The following FAM110B variants were observed in gnomAD, a reference collection of about 807,000 sequenced individuals.
FAM110B encodes family with sequence similarity 110 member B, also known as protein FAM110B.
A neutral mutation model predicts 20.4 loss-of-function variants in FAM110B; 6 were observed. The ratio of observed to expected loss-of-function variants is 0.29; its 90% confidence interval spans 0.16 to 0.58. FAM110B has a LOEUF of 0.58. FAM110B is among the 20% of genes least tolerant of loss of function. The pLI is 0.90. For synonymous variants in FAM110B, 226 were observed against 214.1 expected (o/e 1.06, Z -0.49); for missense variants, 434 against 498.2 (o/e 0.87, Z 1.23).
intron 3 of FAM110B, among the ~76,000 whole-genome samples, chr8:58,108,372 C>T (rs1047165161): frequency 3.3e-5 from 5 of 152,182 alleles, no homozygotes; most frequent in African/African-American, 4.8e-5. Context: ...CCAGCATTGA[C>T]GTGGGTGACA....
chr8:58,058,553 G>T (rs1032446570), intron 2 of FAM110B, among the ~76,000 whole-genome samples: 2 of 152,028 alleles, frequency 1.3e-5, no homozygotes, highest in Non-Finnish European at 2.9e-5. Flanking sequence ...TGAATAGGAA[G>T]AATTATTCTC....
At chr8:58,012,914 T>C (rs1292711243) in intron 1 of FAM110B, among the ~76,000 whole-genome samples, 1 of 152,152 alleles carries the variant, frequency 6.6e-6, no homozygotes, top group African/African-American at 2.4e-5. Context: ...ATCTGAGGTC[T>C]TATCCCACCT....
intron 1 of FAM110B, among the ~76,000 whole-genome samples, chr8:57,995,943 G>A (rs1230466223): frequency 6.6e-6 from 1 of 152,198 alleles, no homozygotes; most frequent in African/African-American, 2.4e-5. Context: ...TTGCAGTATG[G>A]ATAGTAGGAC....
intron 3 of FAM110B, among the ~76,000 whole-genome samples, chr8:58,120,003 A>G (rs531017668): frequency 2.0e-5 from 3 of 152,330 alleles, no homozygotes; most frequent in African/African-American, 7.2e-5. Context: ...TCCGACTTCC[A>G]AATTCATACC....
At chr8:58,144,592 A>G (rs1803814956) in intron 3 of FAM110B, among the ~76,000 whole-genome samples, 1 of 152,238 alleles carries the variant, frequency 6.6e-6, no homozygotes, top group Non-Finnish European at 1.5e-5. Context: ...TACAGATTTA[A>G]GAATTTCAGG....
chr8:58,073,072 A>G (rs1805945338), intron 2 of FAM110B, among the ~76,000 whole-genome samples: 2 of 152,232 alleles, frequency 1.3e-5, no homozygotes. Flanking sequence ...GGGATTGGAA[A>G]AATATGTAAA....
intron 1 of FAM110B, among the ~76,000 whole-genome samples, chr8:58,008,000 C>T (rs1804447454): frequency 1.3e-5 from 2 of 152,048 alleles, no homozygotes; most frequent in Non-Finnish European, 1.5e-5. Flanking sequence ...GTAAATTTCT[C>T]GTGCCTAAAA....
chr8:58,075,278 T>C (rs991642076), intron 2 of FAM110B, among the ~76,000 whole-genome samples: 1 of 140,286 alleles, frequency 7.1e-6, no homozygotes, highest in Non-Finnish European at 1.6e-5. Flanking sequence ...TTTTTTTTTG[T>C]GTGTGTGTGT....
At chr8:58,080,225 T>C (rs2150596509) in intron 3 of FAM110B, among the ~76,000 whole-genome samples, 1 of 152,324 alleles carries the variant, frequency 6.6e-6, no homozygotes, top group Admixed American at 6.5e-5. Flanking sequence ...AATATCAGGG[T>C]CATACATGCA....
intron 2 of FAM110B, among the ~76,000 whole-genome samples, chr8:58,052,474 A>G (rs1421307083): frequency 2.6e-5 from 4 of 152,176 alleles, no homozygotes; most frequent in Non-Finnish European, 5.9e-5. Flanking sequence ...ATAAATATTT[A>G]TTGAACCAGG....
intron 3 of FAM110B, among the ~76,000 whole-genome samples, chr8:58,084,517 G>A (rs1272149122): frequency 6.6e-6 from 1 of 151,892 alleles, no homozygotes; most frequent in Non-Finnish European, 1.5e-5. Context: ...AGCCTGCCAA[G>A]TAGCTGGGAC....
intron 1 of FAM110B, among the ~76,000 whole-genome samples, chr8:58,007,828 A>G (rs560685614): frequency 2.3e-4 from 35 of 151,656 alleles, no homozygotes; most frequent in African/African-American, 6.4e-4. Context: ...AGAAGCCCCA[A>G]TGGACTAAGG....
At chr8:58,083,390 C>T (rs982327072) in intron 3 of FAM110B, among the ~76,000 whole-genome samples, 2 of 152,144 alleles carry the variant, frequency 1.3e-5, no homozygotes, top group South Asian at 2.1e-4. Flanking sequence ...ATAATCAAGG[C>T]GTAATTAGCT....
At chr8:58,079,060 C>T (rs1806116479) in intron 3 of FAM110B, among the ~76,000 whole-genome samples, 2 of 152,114 alleles carry the variant, frequency 1.3e-5, no homozygotes, top group Admixed American at 1.3e-4. Flanking sequence ...ACTCATCATC[C>T]TCTCATGCCA....
At chr8:58,049,269 G>A (rs1805392603) in intron 2 of FAM110B, among the ~76,000 whole-genome samples, 1 of 152,208 alleles carries the variant, frequency 6.6e-6, no homozygotes, top group East Asian at 1.9e-4. Context: ...TTGCATGGAT[G>A]GATGAAATTT....
intron 3 of FAM110B, among the ~76,000 whole-genome samples, chr8:58,082,157 C>A (rs1291612367): frequency 6.6e-6 from 1 of 152,152 alleles, no homozygotes; most frequent in African/African-American, 2.4e-5. Flanking sequence ...TGGACTGATT[C>A]ACTTCCTGAA....
intron 3 of FAM110B, among the ~76,000 whole-genome samples, chr8:58,098,101 C>G (rs1192294665): frequency 6.6e-6 from 1 of 152,232 alleles, no homozygotes; most frequent in African/African-American, 2.4e-5. Context: ...CTATTCAGAG[C>G]CAGCAGGCAG....
intron 3 of FAM110B, among the ~76,000 whole-genome samples, chr8:58,124,764 A>G (rs7010991): frequency 0.72 from 109,482 of 152,090 alleles, 40,635 homozygotes; most frequent in African/African-American, 0.91. Flanking sequence ...CTATTAAAAT[A>G]GTCACTTAAA....
chr8:57,994,698 G>T lies in FAM110B; in HGVS notation c.-620G>T, dbSNP rs1382857933. 6.6e-6 allele frequency: 1 copy of T among 152,168 alleles called. No homozygotes were observed. The highest frequency in any genetic ancestry group is 2.4e-5 in the African/African-American group (1 of 41,388). The allele number at this position is 152,168 out of a possible 1,614,324, so 9.4% of individuals were successfully genotyped here. On this transcript the variant is annotated 5_prime_UTR_variant, in exon 1 of 4. Transcript: ENST00000519262. ...GAACACTCGGCGGCCCCTACAGCCC[G>T]CTCTCGGCCCTTCGTCCCTCGCGGG... is the stretch of plus-strand genomic sequence containing the variant.
Sources: gnomAD v4.1 joint callset for allele counts (sites outside exome capture counted in the v4.1 genomes callset) on GRCh38, gnomAD v4.1.1 for gene constraint, MANE v1.5 for transcripts, NCBI Gene and HGNC (gene_info 2026-07-23, HGNC 2026-07-21) for gene names.